CCSER1: variants seen among roughly 807,000 people sequenced by gnomAD.
CCSER1 encodes the protein coiled-coil serine rich protein 1.
In CCSER1, 41 loss-of-function variants were observed where a neutral mutation model predicts 82.0. That is an observed-to-expected ratio of 0.50 (90% CI 0.39 to 0.65). CCSER1 has a LOEUF of 0.65. Ranked by LOEUF, CCSER1 falls within the 30% of genes least tolerant of loss-of-function variation. The probability of loss-of-function intolerance (pLI) is 0.00; values close to 1 mark genes in which losing one functional copy is unlikely to be tolerated. For missense variants in CCSER1, 1,119 were observed against 1,064.2 expected (o/e 1.05, Z -0.72); for synonymous variants, 414 against 383.9 (o/e 1.08, Z -0.92).
chr4:90,361,260 G>A lies in CCSER1; in HGVS notation c.1510-38776G>A, dbSNP rs574787581. Among the ~76,000 whole-genome samples, 3 of 152,298 alleles carry A rather than the reference G, an allele frequency of 2.0e-5. No individual in the cohort carries two copies. In the South Asian group the frequency reaches 6.2e-4, roughly 32 times the overall value. The stretch of plus-strand genomic sequence containing the variant: ...TACCTCAGGTTTCAGCAAATAGCAG[G>A]TTCTCAATAATTATTAGCAACTATT... On this transcript the variant is annotated intron_variant, in intron 3 of 10. Transcript: ENST00000509176.
intron 9 of CCSER1, among the ~76,000 whole-genome samples, chr4:91,045,453 C>A (rs1049275983): frequency 2.0e-5 from 3 of 150,788 alleles, no homozygotes; most frequent in Admixed American, 1.3e-4. Flanking sequence ...ATATTGCCTG[C>A]ATACACAATT....
chr4:91,023,789 A>G (rs1740234696), intron 9 of CCSER1, among the ~76,000 whole-genome samples: 1 of 152,240 alleles, frequency 6.6e-6, no homozygotes, highest in Non-Finnish European at 1.5e-5. Flanking sequence ...AATGGCAACA[A>G]AAGCCAAAAT....
At chr4:90,951,334 C>T (rs960878493) in intron 9 of CCSER1, 1 of 151,978 alleles carries the variant, frequency 6.6e-6, no homozygotes, top group Admixed American at 6.6e-5. Context: ...AATAGTTTAT[C>T]AAGGCATTCC....
chr4:90,630,718 A>T (rs1468315879), intron 6 of CCSER1, among the ~76,000 whole-genome samples: 1 of 151,948 alleles, frequency 6.6e-6, no homozygotes, highest in Non-Finnish European at 1.5e-5. Flanking sequence ...TCCCTAAGCC[A>T]GGAAGTTTTA....
At chr4:90,770,693 A>C (rs1032191897) in intron 7 of CCSER1, among the ~76,000 whole-genome samples, 10 of 151,950 alleles carry the variant, frequency 6.6e-5, no homozygotes, top group Admixed American at 5.9e-4. Context: ...TTTATGCCAA[A>C]TCTCTTTCAC....
chr4:90,827,396 C>T (rs537530674), intron 8 of CCSER1, among the ~76,000 whole-genome samples: 8 of 152,260 alleles, frequency 5.3e-5, no homozygotes, highest in African/African-American at 1.9e-4. Context: ...CACAGACATC[C>T]TGTTCTTACA....
intron 10 of CCSER1, among the ~76,000 whole-genome samples, chr4:91,389,093 A>T (rs1256247615): frequency 6.6e-6 from 1 of 152,018 alleles, no homozygotes; most frequent in Non-Finnish European, 1.5e-5. Context: ...ATTTTAATGA[A>T]GTCTGATGTA....
chr4:91,561,174 A>G (rs1762636139), intron 10 of CCSER1, among the ~76,000 whole-genome samples: 1 of 151,368 alleles, frequency 6.6e-6, no homozygotes. Flanking sequence ...TGTCTTACCC[A>G]TCACTCCTCT....
At chr4:90,940,013 C>T (rs1377137646) in intron 9 of CCSER1, among the ~76,000 whole-genome samples, 1 of 151,798 alleles carries the variant, frequency 6.6e-6, no homozygotes, top group African/African-American at 2.4e-5. Flanking sequence ...TAAAGCACTC[C>T]CCTGATAAAG....
intron 5 of CCSER1, among the ~76,000 whole-genome samples, chr4:90,547,199 A>AGTAATG (rs57086771): frequency 1.3e-5 from 2 of 151,518 alleles, no homozygotes; most frequent in African/African-American, 4.9e-5. Flanking sequence ...CCTATTGTTA[A>AGTAATG]TGCCAATACA....
At chr4:90,756,672 G>T (rs1284209392) in intron 7 of CCSER1, among the ~76,000 whole-genome samples, 1 of 152,054 alleles carries the variant, frequency 6.6e-6, no homozygotes, top group East Asian at 1.9e-4. Context: ...TTTTTTAGAA[G>T]ACTTGGCAAG....
At chr4:91,348,995 G>A (rs1298809034) in intron 10 of CCSER1, among the ~76,000 whole-genome samples, 1 of 151,896 alleles carries the variant, frequency 6.6e-6, no homozygotes, top group African/African-American at 2.4e-5. Context: ...TGCAAGCTCC[G>A]CCTCCCGGGT....
chr4:90,782,608 A>AT (rs1561127402), intron 7 of CCSER1, among the ~76,000 whole-genome samples: 2 of 151,184 alleles, frequency 1.3e-5, no homozygotes, highest in African/African-American at 4.9e-5. Context: ...GAAAAAGGGG[A>AT]TTGTTTGTCA....
intron 6 of CCSER1, among the ~76,000 whole-genome samples, chr4:90,664,720 G>T (rs547100480): frequency 1.1e-4 from 16 of 152,170 alleles, no homozygotes; most frequent in African/African-American, 3.9e-4. Context: ...GACCAACATG[G>T]AGAAACCCCA....
chr4:91,185,431 GCAAGGGTC>G (rs1734435399), intron 10 of CCSER1, among the ~76,000 whole-genome samples: 2 of 152,138 alleles, frequency 1.3e-5, no homozygotes, highest in South Asian at 4.1e-4. Flanking sequence ...GTCCCTGCTG[GCAAGGGTC>G]CTCCACAGAC....
intron 10 of CCSER1, among the ~76,000 whole-genome samples, chr4:91,142,126 C>T (rs1042694141): frequency 9.2e-5 from 14 of 152,052 alleles, no homozygotes; most frequent in Non-Finnish European, 1.0e-4. Flanking sequence ...ATAATCCCCA[C>T]GTGTCAAGGG....
chr4:91,225,416 A>G (rs1385291419), intron 10 of CCSER1, among the ~76,000 whole-genome samples: 1 of 143,958 alleles, frequency 6.9e-6, no homozygotes, highest in Non-Finnish European at 1.5e-5. Context: ...TATATATATG[A>G]AAATATACAG....
chr4:91,139,468 C>A lies in CCSER1; in HGVS notation c.2217+53474C>A, dbSNP rs532791054. Reference sequence around the variant, plus strand: ...AGAGGCTTTATTATTTCTAAGTGCGCTGCGATTTGCATTTTTCTCTTAGCA... The same window carrying A: ...AGAGGCTTTATTATTTCTAAGTGCGATGCGATTTGCATTTTTCTCTTAGCA... On this transcript the variant is annotated intron_variant, in intron 10 of 10. Transcript: ENST00000509176. Among the ~76,000 whole-genome samples, 3 of 152,192 alleles carry A rather than the reference C, an allele frequency of 2.0e-5. No individual in the cohort carries two copies. The South Asian group carries it at 6.2e-4, about 32-fold the overall frequency.
chr4:91,466,110 T>G (rs1756887621), intron 10 of CCSER1, among the ~76,000 whole-genome samples: 1 of 152,120 alleles, frequency 6.6e-6, no homozygotes, highest in Admixed American at 6.6e-5. Context: ...CTCAATAAAA[T>G]ACTGGCAAAC....
Sources: gnomAD v4.1 joint callset for allele counts (sites outside exome capture counted in the v4.1 genomes callset) on GRCh38, gnomAD v4.1.1 for gene constraint, MANE v1.5 for transcripts, NCBI Gene and HGNC (gene_info 2026-07-23, HGNC 2026-07-21) for gene names.